Variants in TJP1 observed in about 807,000 individuals in gnomAD.
The protein encoded by TJP1 is tight junction protein 1, also known as tight junction protein ZO-1.
Under a neutral mutation model 194.2 loss-of-function variants are expected in TJP1, and 43 were observed. That is an observed-to-expected ratio of 0.22 (90% CI 0.17 to 0.29). TJP1 has a LOEUF of 0.29. TJP1 is among the 10% of genes least tolerant of loss of function. The pLI is 1.00. For synonymous variants in TJP1, 801 were observed against 779.0 expected (o/e 1.03, Z -0.47); for missense variants, 1,971 against 2,185.7 (o/e 0.90, Z 1.96).
intron 10 of TJP1, 53 bp downstream of exon 10, chr15:29,741,278 G>A (rs2151336846): frequency 7.4e-7 from 1 of 1,349,816 alleles, no homozygotes. Context: ...TTCCTACTCT[G>A]AATAATGTTA....
At chr15:29,784,699 T>G (rs1311065040) in intron 2 of TJP1, among the ~76,000 whole-genome samples, 1 of 152,138 alleles carries the variant, frequency 6.6e-6, no homozygotes, top group African/African-American at 2.4e-5. Context: ...GTCTTTATGA[T>G]CTCATCCTAA....
At chr15:29,758,028 A>C (rs1010265639) in intron 8 of TJP1, among the ~76,000 whole-genome samples, 4 of 152,232 alleles carry the variant, frequency 2.6e-5, no homozygotes, top group African/African-American at 9.6e-5. Context: ...ATGAACAGTA[A>C]ATGTATTTTC....
At chr15:29,711,093 A>G in intron 23 of TJP1, 93 bp from the exon 24 acceptor site, 2 of 1,406,984 alleles carry the variant, frequency 1.4e-6, no homozygotes, top group Non-Finnish European at 1.9e-6. Flanking sequence ...AAGTTAAAAA[A>G]AAAAACTAGA....
intron 5 of TJP1, among the ~76,000 whole-genome samples, chr15:29,765,656 C>A (rs763003287): frequency 6.6e-6 from 1 of 151,990 alleles, no homozygotes; most frequent in African/African-American, 2.4e-5. Flanking sequence ...TGTGGGAGGC[C>A]GAGGCAGGTG....
chr15:29,941,176 G>A (rs2055062172), intron 2 of TJP1, among the ~76,000 whole-genome samples: 1 of 152,112 alleles, frequency 6.6e-6, no homozygotes, highest in African/African-American at 2.4e-5. Context: ...GCAGGCCCAC[G>A]CTGCCTTTGC....
intron 2 of TJP1, among the ~76,000 whole-genome samples, chr15:29,950,412 CCAT>C (rs746852628): frequency 3.3e-5 from 5 of 151,896 alleles, no homozygotes; most frequent in African/African-American, 1.2e-4. Flanking sequence ...ACTTCTACCA[CCAT>C]AAGTACACCA....
At chr15:29,809,573 C>T (rs925117122) in intron 1 of TJP1, among the ~76,000 whole-genome samples, 5 of 152,092 alleles carry the variant, frequency 3.3e-5, no homozygotes, top group African/African-American at 7.2e-5. Context: ...TGGCTGGGCG[C>T]GGTGGCTCAC....
intron 2 of TJP1, among the ~76,000 whole-genome samples, chr15:29,938,186 C>T (rs1192288160): frequency 1.3e-5 from 2 of 152,154 alleles, no homozygotes; most frequent in Non-Finnish European, 2.9e-5. Flanking sequence ...TTTCATGCCA[C>T]AATGGTATGG....
chr15:29,825,930 T>G (rs1245140053), upstream of TJP1, among the ~76,000 whole-genome samples: 1 of 152,194 alleles, frequency 6.6e-6, no homozygotes, highest in Non-Finnish European at 1.5e-5. Flanking sequence ...CTCATAATGT[T>G]TCTAAATTTC....
chr15:29,787,177 G>C (rs1567026861), intron 2 of TJP1, among the ~76,000 whole-genome samples: 1 of 152,008 alleles, frequency 6.6e-6, no homozygotes, highest in Non-Finnish European at 1.5e-5. Context: ...TGATTCAATG[G>C]TTTTTAGTAT....
chr15:29,896,731 T>C (rs1175143573), intron 2 of TJP1, among the ~76,000 whole-genome samples: 2 of 152,156 alleles, frequency 1.3e-5, no homozygotes, highest in Non-Finnish European at 2.9e-5. Flanking sequence ...ATGAGGAACT[T>C]GTTGGGAACT....
At chr15:29,855,894 G>A (rs144548777) in intron 2 of TJP1, among the ~76,000 whole-genome samples, 117 of 152,068 alleles carry the variant, frequency 7.7e-4, no homozygotes, top group African/African-American at 2.7e-3. Context: ...AAACTAATGG[G>A]CATAGTGATG....
chr15:29,882,040 T>C (rs1522799), intron 2 of TJP1, among the ~76,000 whole-genome samples: 50,915 of 151,884 alleles, frequency 0.34, 8,868 homozygotes, highest in Middle Eastern at 0.43. Context: ...TGGTATTTTA[T>C]AACATTAAAC....
At chr15:29,706,839 T>C (rs941723010) in intron 25 of TJP1, among the ~76,000 whole-genome samples, 5 of 152,126 alleles carry the variant, frequency 3.3e-5, no homozygotes, top group Non-Finnish European at 4.4e-5. Context: ...TTTGTATTTT[T>C]AGTAGACATG....
Position 29,881,578 on chromosome 15 carries a change from C to A in TJP1, c.306+74654G>T, listed in dbSNP as rs1184757018. On this transcript the variant is annotated intron_variant, in intron 2 of 28. Coordinates refer to the TJP1 transcript ENST00000356107. ...TCGCCTGGTTTCCTCATTTGCTAAT[C>A]TAGGATAATATTAACTGAATGTGAC... Among the ~76,000 whole-genome samples the A allele has an allele frequency of 3.9e-5, 6 of 152,134 alleles. No individual in the cohort carries two copies. In the East Asian group the frequency reaches 7.7e-4, roughly 20 times the overall value.
chr15:29,949,635 C>CAA (rs2055536356), intron 2 of TJP1, among the ~76,000 whole-genome samples: 1 of 121,364 alleles, frequency 8.2e-6, no homozygotes, highest in African/African-American at 3.0e-5. Context: ...TCCACCTCCA[C>CAA]CACCTCCACC....
At chr15:29,935,243 G>A (rs1463800373) in intron 2 of TJP1, among the ~76,000 whole-genome samples, 2 of 152,066 alleles carry the variant, frequency 1.3e-5, no homozygotes, top group Admixed American at 6.6e-5. Context: ...TCTTTCAAGC[G>A]TTCCTTATTC....
chr15:29,730,332 A>G (rs1235457104), intron 15 of TJP1, among the ~76,000 whole-genome samples: 1 of 152,172 alleles, frequency 6.6e-6, no homozygotes. Context: ...CTGTAATCCC[A>G]GCACTTTGGG....
At chr15:29,713,736 A>G (rs2042383217) in intron 23 of TJP1, among the ~76,000 whole-genome samples, 1 of 152,374 alleles carries the variant, frequency 6.6e-6, no homozygotes, top group South Asian at 2.1e-4. Flanking sequence ...CCTCTTAGTT[A>G]TCTTCCATGA....
Sources: allele counts gnomAD v4.1 joint callset (sites outside exome capture counted in the v4.1 genomes callset), GRCh38; gene constraint gnomAD v4.1.1; transcripts MANE v1.5; gene names NCBI Gene and HGNC (gene_info 2026-07-23, HGNC 2026-07-21).